MYH2: variants seen among roughly 807,000 people sequenced by gnomAD.
MYH2 encodes myosin heavy chain 2.
Under a neutral mutation model 228.1 loss-of-function variants are expected in MYH2, and 139 were observed. That is an observed-to-expected ratio of 0.61 (90% CI 0.53 to 0.70). MYH2 has a LOEUF of 0.70. Among genes scored for constraint, MYH2 ranks in the 30% least tolerant of loss-of-function variants. The pLI is 0.00. For missense variants in MYH2, 1,809 were observed against 2,357.5 expected, an observed-to-expected ratio of 0.77 and a Z score of 4.82; for synonymous variants, 796 against 871.1, an observed-to-expected ratio of 0.91 and a Z score of 1.52.
In MYH2 at chr17:10,523,158, T is replaced by C. The variant is rs113249641; in HGVS notation, c.5605A>G (p.Arg1869Gly). 1.9e-6 allele frequency: 3 copies of C among 1,613,996 alleles called. No individual in the cohort carries two copies. Among genetic ancestry groups the C allele is most frequent in the Non-Finnish European group, 2.5e-6 (3 of 1,179,828 alleles). ...AGTTTATCTACCAAATCTTGAAGCC[T>C]GAGAATATTCTTTCTATCTTCTTCC... ...QTEEDRKNIL[R>G]LQDLVDKLQA... The change falls in exon 39 of 40, where the codon AGG becomes GGG. Residue 1869 changes from arginine (R) to glycine (G), a missense_variant. Around this residue, in one of 9 missense-constraint regions of MYH2, gnomAD observed 278 missense variants for 308.5 expected, o/e 0.90. Coordinates refer to ENST00000245503, the MANE Select transcript of MYH2 (RefSeq NM_017534.6).
chr17:10,535,350 G>A lies in MYH2; in HGVS notation c.1990C>T (p.Leu664=), dbSNP rs2073471078. 6.2e-7 allele frequency: 1 copy of A among 1,613,962 alleles called. No individual in the cohort carries two copies. Among genetic ancestry groups the A allele is most frequent in the South Asian group, 1.1e-5 (1 of 91,078 alleles). Residue 664 remains leucine, a synonymous_variant, in exon 18 of 40, where the codon CTG becomes TTG. Coordinates refer to ENST00000245503, the MANE Select transcript of MYH2 (RefSeq NM_017534.6). ...TGGGTACTCCTGAGGTTGGTCATCA[G>A]CTTGTTCAAATTCTCCTGTAAAACC... ...SALFRENLNK[L]MTNLRSTHPH... is the part of the protein sequence containing the mutation.
Position 10,539,958 on chromosome 17 carries a change from C to A in MYH2, c.1117G>T (p.Glu373Ter), listed in dbSNP as rs765379890. The change falls in exon 12 of 40, where the codon GAG becomes TAG. Residue 373 changes from glutamate to a stop codon, truncating the protein, a stop_gained. Coordinates refer to ENST00000245503, the MANE Select transcript of MYH2 (RefSeq NM_017534.6). LOFTEE classifies it high-confidence loss of function. ...GTGCCATCTGGCTCTGCTTGCTCCT[C>A]ACGCTGCTTTTGCTTAAATTTTAGG... ...GNLKFKQKQR[E>*]EQAEPDGTEV... 1 of 1,614,100 alleles carries A rather than the reference C, an allele frequency of 6.2e-7. No individual in the cohort carries two copies. The highest frequency in any genetic ancestry group is 8.5e-7 in the Non-Finnish European group (1 of 1,180,008).
At position 10,524,911 on chromosome 17, in the gene MYH2, G is replaced by A. The variant is rs768621451; in HGVS notation, c.4817C>T (p.Thr1606Met). The A allele has an allele frequency of 1.5e-5, 25 of 1,613,940 alleles. No individual in the cohort carries two copies. The highest frequency in any genetic ancestry group is 5.0e-5 in the Admixed American group (3 of 59,986). Residue 1606 changes from threonine to methionine, a missense_variant, in exon 34 of 40, where the codon ACG becomes ATG. This residue lies in a region of MYH2 where 75 missense variants were observed against 131.2 expected (regional missense o/e 0.57). Transcript: ENST00000245503. This position sits in a 1 kb window ranked among gnomAD's most constrained non-coding sequence, Gnocchi z 4.7. The stretch of plus-strand genomic sequence containing the variant: ...CCTACTCCTGATCTCAGCATCCAGC[G>A]TGCTCTGCATGGACTCCACGATTCT... The part of the protein sequence containing the change: ...HIRIVESMQS[T>M]LDAEIRSRND...
chr17:10,547,428 A>G (rs759474672), intron 4 of MYH2, 47 bp downstream of exon 4: 3 of 1,609,040 alleles, frequency 1.9e-6, no homozygotes, highest in East Asian at 2.2e-5. Flanking sequence ...GCAGGATGGT[A>G]GGGTACATGA....
rs762335606 is a variant in MYH2, at chr17:10,547,921, G to A, written c.-1C>T. ...CAGCCAATTCTGAGTCTGAACTCAT[G>A]GCTGCTGAACTCAGAGGTCCTAAAG... On this transcript the variant is annotated 5_prime_UTR_variant, in exon 3 of 40. Coordinates refer to ENST00000245503, the MANE Select transcript of MYH2 (RefSeq NM_017534.6). 1.9e-6 allele frequency: 3 copies of A among 1,614,038 alleles called. No individual in the cohort carries two copies. The highest frequency in any genetic ancestry group is 1.7e-5 in the Admixed American group (1 of 59,994).
Position 10,529,353 on chromosome 17 carries a change from A to G in MYH2, c.3246T>C (p.Leu1082=), listed in dbSNP as rs1030081239. The change falls in exon 25 of 40, where the codon CTT becomes CTC. Residue 1082 remains leucine (L), a synonymous_variant. Coordinates refer to ENST00000245503, the MANE Select transcript of MYH2 (RefSeq NM_017534.6). ...IMDIENEKQQ[L]DEKLKKKEFE... ...TTACTTACTTTTTGAGCTTTTCATC[A>G]AGTTGCTGTTTCTCATTTTCAATGT... 1.9e-6 allele frequency: 3 copies of G among 1,613,844 alleles called. No individual in the cohort carries two copies. The African/African-American group carries it at 4.0e-5, about 22-fold the overall frequency.
chr17:10,524,910 C>A lies in MYH2; in HGVS notation c.4818G>T (p.Thr1606=). ...TCCTACTCCTGATCTCAGCATCCAGCGTGCTCTGCATGGACTCCACGATTC... is the reference window on the plus strand; with the variant it reads ...TCCTACTCCTGATCTCAGCATCCAGAGTGCTCTGCATGGACTCCACGATTC... ...HIRIVESMQS[T]LDAEIRSRND... Residue 1606 remains threonine, a synonymous_variant, in exon 34 of 40, where the codon ACG becomes ACT. Transcript: ENST00000245503. This position sits in a 1 kb window ranked among gnomAD's most constrained non-coding sequence, Gnocchi z 4.7. 6.2e-7 allele frequency: 1 copy of A among 1,614,058 alleles called. No homozygotes were observed. Among genetic ancestry groups the A allele is most frequent in the Non-Finnish European group, 8.5e-7 (1 of 1,180,022 alleles).
At position 10,521,185 on chromosome 17, in the gene MYH2, C is replaced by A; in HGVS notation, c.*95G>T. 2 of 1,441,126 alleles carry A rather than the reference C, an allele frequency of 1.4e-6. No individual in the cohort carries two copies. The highest frequency in any genetic ancestry group is 1.9e-6 in the Non-Finnish European group (2 of 1,026,152). The allele number at this position is 1,441,126 out of a possible 1,614,324, so 89.3% of individuals were successfully genotyped here. A position where few individuals can be genotyped will look rare whatever the true frequency, so the allele number is the denominator to read the frequency against. Reference sequence around the variant, plus strand: ...ACTACCCTATGCTTTATTTCCTTTGCAACAGGGTAGAATACACAATAATTA... The same window carrying A: ...ACTACCCTATGCTTTATTTCCTTTGAAACAGGGTAGAATACACAATAATTA... On this transcript the variant is annotated 3_prime_UTR_variant, in exon 40 of 40. Coordinates refer to ENST00000245503, the MANE Select transcript of MYH2 (RefSeq NM_017534.6).
chr17:10,534,617 T>C (rs576457333), intron 19 of MYH2, among the ~76,000 whole-genome samples: 2 of 152,350 alleles, frequency 1.3e-5, no homozygotes, highest in African/African-American at 4.8e-5. Flanking sequence ...TGTATATTTA[T>C]ATTTTAAAAG....
At chr17:10,531,997 A>T (rs943322350) in intron 21 of MYH2, 109 bp from the exon 22 acceptor site, 1 of 1,364,352 alleles carries the variant, frequency 7.3e-7, no homozygotes, top group African/African-American at 1.7e-5. Flanking sequence ...TCTGCTTTCA[A>T]ACATGCAGAT....
At chr17:10,542,599 A>C (rs2142317664) in intron 10 of MYH2, among the ~76,000 whole-genome samples, 1 of 152,370 alleles carries the variant, frequency 6.6e-6, no homozygotes, top group African/African-American at 2.4e-5. Context: ...ATGTAGAGAT[A>C]TGTATACAGA....
Position 10,524,005 on chromosome 17 carries a change from G to T in MYH2, c.5176-121C>A, listed in dbSNP as rs775514971. ...TCAAAAAATGCCTTTTAATATTAAA[G>T]AATTAAAGGATTGTGTTATGTAATA... is the stretch of plus-strand genomic sequence containing the variant. On this transcript the variant is annotated intron_variant, in intron 35 of 39. Transcript: ENST00000245503. This position sits in a 1 kb window ranked among gnomAD's most constrained non-coding sequence, Gnocchi z 4.7. The T allele has an allele frequency of 1.2e-5, 11 of 896,724 alleles. No homozygotes were observed. Among genetic ancestry groups the T allele is most frequent in the South Asian group, 1.7e-5 (1 of 57,928 alleles). 55.5% of individuals were successfully genotyped at this position (896,724 alleles called of 1,614,324 possible). A position where few individuals can be genotyped will look rare whatever the true frequency, so the allele number is the denominator to read the frequency against.
In MYH2 at chr17:10,521,272, G is replaced by C. The variant is rs780497979; in HGVS notation, c.*8C>G. The C allele has an allele frequency of 6.2e-7, 1 of 1,613,294 alleles. No homozygotes were observed. Among genetic ancestry groups the C allele is most frequent in the South Asian group, 1.1e-5 (1 of 91,038 alleles). ...TGTCTTCAGTCATTCCATGGCATCA[G>C]GACATGATCACTCTTCACTTATGAC... is the stretch of plus-strand genomic sequence containing the variant. On this transcript the variant is annotated 3_prime_UTR_variant, in exon 40 of 40. Transcript: ENST00000245503.
intron 16 of MYH2, 114 bp from the exon 17 acceptor site, chr17:10,536,720 T>C: frequency 7.5e-6 from 7 of 932,188 alleles, no homozygotes; most frequent in Non-Finnish European, 1.0e-5. Context: ...AGCTGGCCTC[T>C]CTGATTGAGC....
Position 10,533,594 on chromosome 17 carries a change from T to C in MYH2, c.2219A>G (p.Gln740Arg). ...VLNASAIPEG[Q>R]FIDSKKASEK... Reference sequence around the variant, plus strand: ...AGAGGCCTTCTTGCTATCAATGAATTGCCCTTCAGGGATTGCACTTGCATT... The same window carrying C: ...AGAGGCCTTCTTGCTATCAATGAATCGCCCTTCAGGGATTGCACTTGCATT... Residue 740 changes from glutamine (Q) to arginine (R), a missense_variant, in exon 20 of 40, where the codon CAA becomes CGA. This residue lies in a region of MYH2 where 276 missense variants were observed against 344.2 expected (regional missense o/e 0.80). Coordinates refer to ENST00000245503, the MANE Select transcript of MYH2 (RefSeq NM_017534.6). 1.9e-6 allele frequency: 3 copies of C among 1,614,178 alleles called. No individual in the cohort carries two copies. The South Asian group carries it at 3.3e-5, about 18-fold the overall frequency.
rs375114012 is a variant in MYH2 at position 10,525,332 on chromosome 17, G to A, written c.4554C>T (p.Leu1518=). The change falls in exon 33 of 40, where the codon CTC becomes CTT. Residue 1518 remains leucine (L), a synonymous_variant. Coordinates refer to ENST00000245503, the MANE Select transcript of MYH2 (RefSeq NM_017534.6). The surrounding 1 kb of genome is among the most constrained non-coding windows in gnomAD (Gnocchi z 4.2). ...TCCCTCCTTCTGCAATCTGTTCCGT[G>A]AGGTCAGAAATCTCCTCTGTTGTTT... ...NKNLQQEISD[L]TEQIAEGGKR... is the part of the protein sequence containing the mutation. 104 of 1,614,112 alleles carry A rather than the reference G, an allele frequency of 6.4e-5. 1 individual carries two copies. The South Asian group carries it at 1.0e-3, about 16-fold the overall frequency.
At chr17:10,549,479 T>C (rs990877742) in intron 1 of MYH2, 62 bp from the exon 2 acceptor site, 6 of 152,786 alleles carry the variant, frequency 3.9e-5, no homozygotes, top group Admixed American at 2.0e-4. Context: ...AAAAATCCCA[T>C]TTATGGCATG....
Position 10,525,455 on chromosome 17 carries a change from T to C in MYH2, c.4533A>G (p.Leu1511=), listed in dbSNP as rs1467089006. 3.7e-6 allele frequency: 6 copies of C among 1,614,100 alleles called. No homozygotes were observed. The highest frequency in any genetic ancestry group is 5.1e-6 in the Non-Finnish European group (6 of 1,180,042). The change falls in exon 32 of 40, where the codon TTA becomes TTG. Residue 1511 remains leucine, a synonymous_variant. Coordinates refer to ENST00000245503, the MANE Select transcript of MYH2 (RefSeq NM_017534.6). This position sits in a 1 kb window ranked among gnomAD's most constrained non-coding sequence, Gnocchi z 4.2. ...LETLKRENKN[L]QQEISDLTEQ... ...TTGAATATGATAGGGACTTACGCTGTAAGTTTTTGTTCTCTCGCTTCAGGG... is the reference window on the plus strand; with the variant it reads ...TTGAATATGATAGGGACTTACGCTGCAAGTTTTTGTTCTCTCGCTTCAGGG...
chr17:10,522,273 A>C (rs1457754265), intron 39 of MYH2, among the ~76,000 whole-genome samples: 2 of 152,234 alleles, frequency 1.3e-5, no homozygotes, highest in Non-Finnish European at 2.9e-5. Flanking sequence ...ATATCCTCCT[A>C]GAAAAATCAT....
Sources: allele counts gnomAD v4.1 joint callset (sites outside exome capture counted in the v4.1 genomes callset), GRCh38; gene constraint gnomAD v4.1.1; regional missense constraint gnomAD v4.1.1; non-coding constraint Gnocchi (gnomAD v3.1); transcripts MANE v1.5; gene names NCBI Gene and HGNC (gene_info 2026-07-23, HGNC 2026-07-21).